CD53: variants seen among roughly 807,000 people sequenced by gnomAD.
CD53 encodes CD53 molecule.
In CD53, 20 loss-of-function variants were observed where a neutral mutation model predicts 27.3. The ratio of observed to expected loss-of-function variants is 0.73; its 90% CI spans 0.52 to 1.07. The LOEUF (loss-of-function observed/expected upper bound fraction) is 1.07. Ranked by LOEUF, CD53 falls within the 50% of genes least tolerant of loss-of-function variation. The pLI is 0.00. For synonymous variants in CD53, 106 were observed against 105.3 expected, an observed-to-expected ratio of 1.01 and a Z score of -0.04; for missense variants, 216 against 264.0, an observed-to-expected ratio of 0.82 and a Z score of 1.26.
intron 1 of CD53, among the ~76,000 whole-genome samples, chr1:110,873,532 A>G (rs1656024352): frequency 6.6e-6 from 1 of 152,160 alleles, no homozygotes; most frequent in African/African-American, 2.4e-5. Context: ...TCTGTGTAGT[A>G]ATTCCTGATG....
Position 110,896,725 on chromosome 1 carries a change from A to G in CD53, c.496A>G (p.Lys166Glu). 1.2e-6 allele frequency: 2 copies of G among 1,612,788 alleles called. No homozygotes were observed. Among genetic ancestry groups the G allele is most frequent in the East Asian group, 4.5e-5 (2 of 44,828 alleles). ...GPPASCPSDR[K>E]VEGCYAKARL... ...ACCAGCATCTTGCCCCTCAGATCGA[A>G]AAGTGGAGGTAATTTTGTCGGCAAT... The change falls in exon 6 of 8, where the codon AAA (lysine) becomes GAA (glutamate). Residue 166 changes from lysine (K) to glutamate (E), a missense_variant. By Grantham distance (56) the Lys-to-Glu change is moderately conservative. Transcript: ENST00000271324.
intron 6 of CD53, 108 bp from the exon 7 acceptor site, chr1:110,897,701 T>G (rs1657125568): frequency 3.1e-6 from 2 of 636,776 alleles, no homozygotes; most frequent in Admixed American, 5.0e-5. Context: ...TACCTAAGCC[T>G]CTTTGTATTA....
At chr1:110,880,953 A>G (rs753364932) in intron 1 of CD53, among the ~76,000 whole-genome samples, 2 of 152,192 alleles carry the variant, frequency 1.3e-5, no homozygotes, top group Non-Finnish European at 2.9e-5. Context: ...CCAGAATAAG[A>G]GGCCAGAAAG....
chr1:110,893,893 T>C (rs1335192561), intron 3 of CD53, among the ~76,000 whole-genome samples: 1 of 152,222 alleles, frequency 6.6e-6, no homozygotes. Context: ...AGGACCCTTC[T>C]TTCTACCATT....
chr1:110,897,560 T>G (rs1657119411), intron 6 of CD53: 1 of 324,090 alleles, frequency 3.1e-6, no homozygotes, highest in Non-Finnish European at 5.7e-6. Flanking sequence ...CTAGTTTAAC[T>G]CAGCGGGTAA....
chr1:110,889,555 CAAATAAATAAAT>C (rs57083589), intron 1 of CD53, among the ~76,000 whole-genome samples: 5 of 146,236 alleles, frequency 3.4e-5, no homozygotes, highest in South Asian at 2.2e-4. Context: ...AAAACTCCGT[CAAATAAATAAAT>C]AAATAAATAA....
At position 110,897,882 on chromosome 1, in the gene CD53, G is replaced by A; in HGVS notation, c.578G>A (p.Cys193Tyr). The change falls in exon 7 of 8, where the codon TGT (cysteine) becomes TAT (tyrosine). Residue 193 changes from cysteine to tyrosine, a missense_variant. Cys to Tyr is a radical substitution (Grantham distance 194). Coordinates refer to ENST00000271324, the MANE Select transcript of CD53 (RefSeq NM_000560.4). ...ATCGGAATCATCACCATCTGTGTAT[G>A]TGTGATTGAGGTAAGAGCTTAACCA... ...LYIGIITICV[C>Y]VIEVLGMSFA... 1 of 1,601,238 alleles carries A rather than the reference G, an allele frequency of 6.2e-7. No homozygotes were observed. The highest frequency in any genetic ancestry group is 8.6e-7 in the Non-Finnish European group (1 of 1,169,300).
At chr1:110,887,587 A>C (rs1656678485) in intron 1 of CD53, among the ~76,000 whole-genome samples, 1 of 152,202 alleles carries the variant, frequency 6.6e-6, no homozygotes, top group African/African-American at 2.4e-5. Flanking sequence ...TTACTTGGAA[A>C]GTGTTTAATA....
In CD53 at chr1:110,889,276, G is replaced by T. The variant is rs1177642559; in HGVS notation, c.-17-2116G>T. On this transcript the variant is annotated intron_variant, in intron 1 of 7. Coordinates refer to ENST00000271324, the MANE Select transcript of CD53 (RefSeq NM_000560.4). Reference sequence around the variant, plus strand: ...GTAGTTCTTTAAGACTCAATAATTGGCCGGGTGTGGTGGCTCAAGCCTGTA... The same window carrying T: ...GTAGTTCTTTAAGACTCAATAATTGTCCGGGTGTGGTGGCTCAAGCCTGTA... Among the ~76,000 whole-genome samples the T allele has an allele frequency of 2.6e-5, 4 of 152,136 alleles. No homozygotes were observed. In the East Asian group the frequency reaches 5.8e-4, roughly 22 times the overall value.
chr1:110,899,196 T>C lies in CD53; in HGVS notation c.*1T>C, dbSNP rs771557369. ...AACCAGCCAGACCATAGGGCTATGA[T>C]CTGCAGTAGTCCTGTGGTGAAGAGA... On this transcript the variant is annotated 3_prime_UTR_variant, in exon 8 of 8. Coordinates refer to ENST00000271324, the MANE Select transcript of CD53 (RefSeq NM_000560.4). 13 of 1,609,510 alleles carry C rather than the reference T, an allele frequency of 8.1e-6. No homozygotes were observed. The South Asian group carries it at 1.2e-4, about 15-fold the overall frequency.
intron 1 of CD53, among the ~76,000 whole-genome samples, chr1:110,889,174 A>G (rs1656745855): frequency 2.0e-5 from 3 of 152,278 alleles, no homozygotes; most frequent in African/African-American, 7.2e-5. Context: ...GTCTTACTCT[A>G]TGAGATATTT....
intron 4 of CD53, among the ~76,000 whole-genome samples, chr1:110,894,740 C>G (rs1373076475): frequency 1.3e-5 from 2 of 152,176 alleles, no homozygotes; most frequent in African/African-American, 2.4e-5. Context: ...AAAGCCAGAG[C>G]TCTAGAAGGA....
At chr1:110,883,724 T>C (rs1362833731) in intron 1 of CD53, among the ~76,000 whole-genome samples, 2 of 152,010 alleles carry the variant, frequency 1.3e-5, no homozygotes, top group Non-Finnish European at 2.9e-5. Context: ...AGTTTCTTAT[T>C]AGAGATAGGA....
chr1:110,873,625 G>C (rs1004852224), intron 1 of CD53, among the ~76,000 whole-genome samples: 7 of 152,152 alleles, frequency 4.6e-5, no homozygotes, highest in Non-Finnish European at 7.4e-5. Flanking sequence ...TGATTTTAAA[G>C]TGAGGAAAGA....
chr1:110,892,007 T>C (rs1322332007), intron 2 of CD53, among the ~76,000 whole-genome samples: 2 of 152,234 alleles, frequency 1.3e-5, no homozygotes, highest in East Asian at 3.8e-4. Flanking sequence ...CTCTACATGG[T>C]CATGGTTTCT....
chr1:110,886,869 A>AT (rs71575170), intron 1 of CD53, among the ~76,000 whole-genome samples: 74 of 82,764 alleles, frequency 8.9e-4, no homozygotes, highest in East Asian at 4.3e-3. Context: ...ATATATATAT[A>AT]TTTTTTTTTT....
intron 1 of CD53, among the ~76,000 whole-genome samples, chr1:110,879,716 G>A (rs527269357): frequency 3.4e-4 from 52 of 152,060 alleles, no homozygotes; most frequent in Admixed American, 1.5e-3. Flanking sequence ...ACTGATAGAG[G>A]TTCTTTTTTT....
chr1:110,876,436 A>C (rs1443789502), intron 1 of CD53, among the ~76,000 whole-genome samples: 1 of 152,218 alleles, frequency 6.6e-6, no homozygotes, highest in Non-Finnish European at 1.5e-5. Flanking sequence ...ATCTTAAGCT[A>C]CTATGCTAGC....
In CD53 at chr1:110,896,685, T is replaced by C; in HGVS notation, c.456T>C (p.Asp152=). The change falls in exon 6 of 8, where the codon GAT becomes GAC. Residue 152 remains aspartate (D), a synonymous_variant. Coordinates refer to ENST00000271324, the MANE Select transcript of CD53 (RefSeq NM_000560.4). ...GTTGTGGTATAAATGGCACGAGTGA[T>C]TGGACCAGTGGCCCACCAGCATCTT... is the stretch of plus-strand genomic sequence containing the variant. ...LQCCGINGTS[D]WTSGPPASCP... The C allele has an allele frequency of 3.1e-6, 5 of 1,613,614 alleles. No individual in the cohort carries two copies.
Sources: allele counts gnomAD v4.1 joint callset (sites outside exome capture counted in the v4.1 genomes callset), GRCh38; gene constraint gnomAD v4.1.1; transcripts MANE v1.5; gene names NCBI Gene and HGNC (gene_info 2026-07-23, HGNC 2026-07-21).